The following PHLDB2 variants were observed in gnomAD, a reference collection of about 807,000 sequenced individuals.
The protein encoded by PHLDB2 is pleckstrin homology like domain family B member 2.
A neutral mutation model predicts 123.6 loss-of-function variants in PHLDB2; 71 were observed. That is an observed-to-expected ratio of 0.57 (90% CI 0.47 to 0.70). PHLDB2 has a LOEUF of 0.70. Ranked by LOEUF, PHLDB2 falls within the 30% of genes least tolerant of loss-of-function variation. PHLDB2 has a pLI of 0.00. For synonymous variants in PHLDB2, 547 were observed against 541.6 expected, an observed-to-expected ratio of 1.01 and a Z score of -0.14; for missense variants, 1,446 against 1,519.5, an observed-to-expected ratio of 0.95 and a Z score of 0.80.
chr3:111,884,209 T>C lies in PHLDB2; in HGVS notation c.132T>C (p.Ser44=), dbSNP rs2066069157. 6.2e-7 allele frequency: 1 copy of C among 1,614,176 alleles called. No homozygotes were observed. Among genetic ancestry groups the C allele is most frequent in the Non-Finnish European group, 8.5e-7 (1 of 1,180,026 alleles). The change falls in exon 2 of 18, where the codon TCT becomes TCC. Residue 44 remains serine (S), a synonymous_variant. Transcript: ENST00000431670. ...AGAGCCTCAGCCCAAAGAAATACTC[T>C]TCCAGTCTGAGATTTAAAGCCAATG... ...MMESLSPKKY[S]SSLRFKANGD...
chr3:111,900,501 A>C (rs1202017896), intron 2 of PHLDB2, among the ~76,000 whole-genome samples: 1 of 152,224 alleles, frequency 6.6e-6, no homozygotes, highest in Non-Finnish European at 1.5e-5. Flanking sequence ...GGAGAGAGAC[A>C]GGGAAATGGC....
chr3:111,894,903 G>T (rs2066728523), intron 2 of PHLDB2, among the ~76,000 whole-genome samples: 1 of 151,540 alleles, frequency 6.6e-6, no homozygotes, highest in Non-Finnish European at 1.5e-5. Context: ...ATAAAGCAAG[G>T]ACTTTCTCTC....
Position 111,951,957 on chromosome 3 carries a change from CT to C in PHLDB2, c.2632-614del, listed in dbSNP as rs568928244. 2.3e-4 allele frequency among the ~76,000 whole-genome samples: 35 copies of C among 152,028 alleles called. No individual in the cohort carries two copies. In the East Asian group the frequency reaches 6.8e-3, roughly 29 times the overall value. ...TGGACAAAAATCTTGCTTTAGAAAT[CT>C]GAAAAAAATTAAATAGTCCATTAGA... On this transcript the variant is annotated intron_variant, in intron 10 of 17. Transcript: ENST00000431670.
At chr3:111,774,513 A>C (rs1175525727) in intron 1 of PHLDB2, among the ~76,000 whole-genome samples, 1 of 152,186 alleles carries the variant, frequency 6.6e-6, no homozygotes, top group Non-Finnish European at 1.5e-5. Context: ...AAGAAGCATC[A>C]CTGCTAGAAA....
At chr3:111,879,026 GTC>G (rs781135371) in intron 1 of PHLDB2, among the ~76,000 whole-genome samples, 1 of 152,094 alleles carries the variant, frequency 6.6e-6, no homozygotes, top group Non-Finnish European at 1.5e-5. Context: ...TTTTTGATGT[GTC>G]TCTGCCAGGT....
intron 2 of PHLDB2, among the ~76,000 whole-genome samples, chr3:111,848,519 A>G (rs1469411441): frequency 6.6e-6 from 1 of 152,194 alleles, no homozygotes; most frequent in Non-Finnish European, 1.5e-5. Flanking sequence ...GACCCCCCCA[A>G]ACAGCACTCC....
At chr3:111,924,679 C>G (rs1414311057) in intron 5 of PHLDB2, among the ~76,000 whole-genome samples, 2 of 152,210 alleles carry the variant, frequency 1.3e-5, no homozygotes, top group Non-Finnish European at 2.9e-5. Context: ...ATGAGAAAAG[C>G]AAAACCTGAA....
intron 1 of PHLDB2, among the ~76,000 whole-genome samples, chr3:111,842,966 A>G (rs1462632003): frequency 6.6e-6 from 1 of 152,232 alleles, no homozygotes; most frequent in African/African-American, 2.4e-5. Context: ...ATAATATTCC[A>G]TTGTATAGAT....
At chr3:111,938,775 C>CTTCCT (rs547360232) in intron 6 of PHLDB2, among the ~76,000 whole-genome samples, 31 of 150,386 alleles carry the variant, frequency 2.1e-4, no homozygotes, top group Admixed American at 4.0e-4. Context: ...AAAAGAAGAG[C>CTTCCT]TTCCTTTCCT....
chr3:111,769,869 T>C (rs113217961), intron 1 of PHLDB2, among the ~76,000 whole-genome samples: 28 of 152,336 alleles, frequency 1.8e-4, no homozygotes, highest in African/African-American at 6.7e-4. Flanking sequence ...AAGACAGAGA[T>C]TAAGAATGCT....
At chr3:111,930,985 A>G (rs1396232425) in intron 5 of PHLDB2, among the ~76,000 whole-genome samples, 1 of 152,228 alleles carries the variant, frequency 6.6e-6, no homozygotes, top group Non-Finnish European at 1.5e-5. Flanking sequence ...GTAGTTTTAG[A>G]TTTGAACCAT....
At chr3:111,807,390 G>T (rs1415876060) in intron 1 of PHLDB2, among the ~76,000 whole-genome samples, 2 of 152,054 alleles carry the variant, frequency 1.3e-5, no homozygotes, top group Non-Finnish European at 2.9e-5. Context: ...GAAGATTAGG[G>T]TTTAAACATT....
At chr3:111,940,712 C>T (rs1418301862) in intron 8 of PHLDB2, 67 bp downstream of exon 8, 1 of 879,336 alleles carries the variant, frequency 1.1e-6, no homozygotes, top group African/African-American at 1.7e-5. Context: ...AAATTGCCCC[C>T]TTTAAAGTAA....
intron 1 of PHLDB2, among the ~76,000 whole-genome samples, chr3:111,753,849 G>A (rs1250744337): frequency 1.3e-5 from 2 of 152,164 alleles, no homozygotes; most frequent in African/African-American, 2.4e-5. Context: ...AAGGGATCCA[G>A]TTTCAGCTTT....
At chr3:111,857,751 G>A (rs555065967), upstream of PHLDB2, among the ~76,000 whole-genome samples, 2 of 152,218 alleles carry the variant, frequency 1.3e-5, no homozygotes, top group East Asian at 1.9e-4. Flanking sequence ...AAACCACAAC[G>A]AGATACCATC....
chr3:111,961,978 CA>C, intron 12 of PHLDB2, 129 bp from the exon 13 acceptor site: 1 of 852,902 alleles, frequency 1.2e-6, no homozygotes, highest in South Asian at 1.6e-5. Context: ...TTCTTGGCTT[CA>C]AAACAAATTA....
At position 111,958,161 on chromosome 3, in the gene PHLDB2, T is replaced by C. The variant is rs902851400; in HGVS notation, c.2873-3947T>C. The C allele has an allele frequency of 7.0e-6, 4 of 572,424 alleles. No homozygotes were observed. In the East Asian group the frequency reaches 4.3e-4, roughly 62 times the overall value. The allele number at this position is 572,424 out of a possible 1,614,324, so 35.5% of individuals were successfully genotyped here. On this transcript the variant is annotated intron_variant, in intron 12 of 17. Coordinates refer to ENST00000431670, the MANE Select transcript of PHLDB2 (RefSeq NM_001134438.2). ...TGTTGGAAGTGTTGTATGTTTTTCC[T>C]GCCCCCTTGTCATCCTTTTTGATCT...
chr3:111,835,218 G>A (rs2063343966), intron 1 of PHLDB2, among the ~76,000 whole-genome samples: 1 of 152,154 alleles, frequency 6.6e-6, no homozygotes, highest in South Asian at 2.1e-4. Context: ...GATGGATTGG[G>A]GAAGAAACTT....
intron 15 of PHLDB2, 45 bp from the exon 16 acceptor site, chr3:111,969,645 A>T: frequency 6.6e-7 from 1 of 1,523,278 alleles, no homozygotes. Context: ...CCTAAAACAA[A>T]ACAAATAATT....
Sources: gnomAD v4.1 joint callset for allele counts (sites outside exome capture counted in the v4.1 genomes callset) on GRCh38, gnomAD v4.1.1 for gene constraint, MANE v1.5 for transcripts, NCBI Gene and HGNC (gene_info 2026-07-23, HGNC 2026-07-21) for gene names.